MCC: variants seen among roughly 807,000 people sequenced by gnomAD.
MCC encodes colorectal mutant cancer protein.
In MCC, 90 loss-of-function variants were observed where a neutral mutation model predicts 116.2. The ratio of observed to expected loss-of-function variants is 0.77; its 90% CI spans 0.65 to 0.92. The LOEUF (loss-of-function observed/expected upper bound fraction) is 0.92, where lower values mean the gene tolerates loss of function less well. Among genes scored for constraint, MCC ranks in the 40% least tolerant of loss-of-function variants. The pLI is 0.00. For missense variants in MCC, 1,516 were observed against 1,312.2 expected (o/e 1.16, Z -2.40); for synonymous variants, 578 against 510.5 (o/e 1.13, Z -1.78).
intron 3 of MCC, among the ~76,000 whole-genome samples, chr5:113,331,496 T>C (rs1767695150): frequency 1.3e-5 from 2 of 151,798 alleles, no homozygotes; most frequent in South Asian, 2.1e-4. Context: ...CTTAGGTGGA[T>C]ATTTTGATCT....
intron 1 of MCC, among the ~76,000 whole-genome samples, chr5:113,424,576 G>A (rs1044088774): frequency 6.6e-6 from 1 of 152,052 alleles, no homozygotes; most frequent in Admixed American, 6.6e-5. Flanking sequence ...TTAGCTGGGT[G>A]TGGTGGCAGG....
rs1307653990 is a variant in MCC at position 113,024,704 on chromosome 5, C to T, written c.*2598G>A. On this transcript the variant is annotated 3_prime_UTR_variant, in exon 19 of 19. Transcript: ENST00000408903. ...AAAATTCAGGTAGCGCCAGGTTATTCACAAAGGAAAATTACCCAGGAACCT... is the reference window on the plus strand; with the variant it reads ...AAAATTCAGGTAGCGCCAGGTTATTTACAAAGGAAAATTACCCAGGAACCT... 1.3e-5 allele frequency: 2 copies of T among 151,948 alleles called. No individual in the cohort carries two copies. Among genetic ancestry groups the T allele is most frequent in the Non-Finnish European group, 2.9e-5 (2 of 68,026 alleles). 9.4% of individuals were successfully genotyped at this position (151,948 alleles called of 1,614,324 possible).
At chr5:113,046,641 C>G (rs916725361) in intron 16 of MCC, among the ~76,000 whole-genome samples, 32 of 140,058 alleles carry the variant, frequency 2.3e-4, no homozygotes, top group African/African-American at 8.7e-4. Flanking sequence ...CACACACAAA[C>G]ACTAGCGCTC....
chr5:113,131,752 T>C (rs1758441155), intron 5 of MCC, among the ~76,000 whole-genome samples: 1 of 152,094 alleles, frequency 6.6e-6, no homozygotes, highest in African/African-American at 2.4e-5. Context: ...TCCAAACCCA[T>C]GTGAGTGCAT....
At chr5:113,453,638 T>C (rs1174183190) in intron 1 of MCC, among the ~76,000 whole-genome samples, 3 of 152,114 alleles carry the variant, frequency 2.0e-5, no homozygotes, top group Non-Finnish European at 2.9e-5. Flanking sequence ...CTCCCAGCTG[T>C]TTATGTGTCT....
At chr5:113,162,650 C>T (rs182241888) in intron 3 of MCC, among the ~76,000 whole-genome samples, 13 of 152,204 alleles carry the variant, frequency 8.5e-5, no homozygotes, top group Non-Finnish European at 1.9e-4. Context: ...TCAGGCACCA[C>T]CACGTCCAAC....
At chr5:113,133,607 A>C (rs1422554130) in intron 5 of MCC, among the ~76,000 whole-genome samples, 1 of 152,082 alleles carries the variant, frequency 6.6e-6, no homozygotes. Context: ...GTATCTCTTC[A>C]ATATATTGAT....
chr5:113,180,352 A>C (rs1761558677), intron 3 of MCC, among the ~76,000 whole-genome samples: 1 of 152,202 alleles, frequency 6.6e-6, no homozygotes, highest in Admixed American at 6.5e-5. Context: ...ATGAAGAAAA[A>C]CAAATATGGC....
At chr5:113,237,307 C>A (rs922335640) in intron 3 of MCC, among the ~76,000 whole-genome samples, 4 of 152,124 alleles carry the variant, frequency 2.6e-5, no homozygotes, top group African/African-American at 9.7e-5. Flanking sequence ...GGCCATTATG[C>A]TTAAAGCTAA....
intron 14 of MCC, among the ~76,000 whole-genome samples, chr5:113,055,273 G>A (rs562672952): frequency 1.6e-4 from 24 of 152,170 alleles, no homozygotes; most frequent in Admixed American, 1.1e-3. Flanking sequence ...CAGGGGCCAC[G>A]AGTGATCTCC....
chr5:113,189,728 G>A (rs142393963), intron 3 of MCC, among the ~76,000 whole-genome samples: 73 of 152,352 alleles, frequency 4.8e-4, no homozygotes, highest in African/African-American at 1.7e-3. Context: ...TGGAATCACT[G>A]TTTAACCTTT....
At chr5:113,482,208 G>A (rs1772397795) in intron 1 of MCC, among the ~76,000 whole-genome samples, 1 of 152,146 alleles carries the variant, frequency 6.6e-6, no homozygotes, top group Non-Finnish European at 1.5e-5. Flanking sequence ...TATAAACAAT[G>A]TTGTTATGAA....
At chr5:113,469,768 T>A (rs1424300884) in intron 1 of MCC, among the ~76,000 whole-genome samples, 1 of 152,218 alleles carries the variant, frequency 6.6e-6, no homozygotes, top group Non-Finnish European at 1.5e-5. Flanking sequence ...ATCTGTCTAA[T>A]GTTGACAGTG....
intron 3 of MCC, among the ~76,000 whole-genome samples, chr5:113,262,251 G>C (rs1765245301): frequency 6.6e-6 from 1 of 152,052 alleles, no homozygotes; most frequent in Admixed American, 6.5e-5. Flanking sequence ...CAAAAGTAAT[G>C]TCAATCCCAT....
In MCC at chr5:113,085,196, T is replaced by C; in HGVS notation, c.1513A>G (p.Ser505Gly). 1 of 1,614,210 alleles carries C rather than the reference T, an allele frequency of 6.2e-7. No homozygotes were observed. Among genetic ancestry groups the C allele is most frequent in the Non-Finnish European group, 8.5e-7 (1 of 1,180,042 alleles). The change falls in exon 9 of 19, where the codon AGC (serine) becomes GGC (glycine). Residue 505 changes from serine to glycine, a missense_variant. Ser to Gly is a moderately conservative substitution (Grantham distance 56). Transcript: ENST00000408903. ...INPSTGELST[S>G]SSSNDIPIAK... is the part of the protein sequence containing the mutation. The stretch of plus-strand genomic sequence containing the variant: ...ATGGGAATGTCATTGCTGCTGCTGC[T>C]TGTGCTCAGCTCCCCAGTGCTGGGG...
chr5:113,222,166 T>C (rs552354074), intron 3 of MCC, among the ~76,000 whole-genome samples: 73 of 152,230 alleles, frequency 4.8e-4, no homozygotes, highest in Admixed American at 1.0e-3. Context: ...TCTTTTTCTA[T>C]ATTTATTAAG....
chr5:113,258,124 A>C (rs1446037584), intron 3 of MCC, among the ~76,000 whole-genome samples: 2 of 152,208 alleles, frequency 1.3e-5, no homozygotes, highest in Non-Finnish European at 2.9e-5. Flanking sequence ...TTTTTCAGTG[A>C]GCACATTGCA....
chr5:113,084,942 T>C (rs561873175), intron 9 of MCC, among the ~76,000 whole-genome samples: 34 of 152,334 alleles, frequency 2.2e-4, no homozygotes, highest in African/African-American at 7.0e-4. Context: ...AGCTGGCTGA[T>C]TAATGAGAGC....
Position 113,047,967 on chromosome 5 carries a change from T to C in MCC, c.2655+1126A>G, listed in dbSNP as rs553403946. ...TCCTCCTCCTCTGCCGGCAGGCTGA[T>C]TCCTGCTTACCACCCTGTGACGGTA... On this transcript the variant is annotated intron_variant, in intron 16 of 18. Coordinates refer to ENST00000408903, the MANE Select transcript of MCC (RefSeq NM_001085377.2). Among the ~76,000 whole-genome samples, 44 of 152,302 alleles carry C rather than the reference T, an allele frequency of 2.9e-4. No individual in the cohort carries two copies. In the South Asian group the frequency reaches 9.1e-3, roughly 32 times the overall value.
Sources: gnomAD v4.1 joint callset for allele counts (sites outside exome capture counted in the v4.1 genomes callset) on GRCh38, gnomAD v4.1.1 for gene constraint, MANE v1.5 for transcripts, NCBI Gene and HGNC (gene_info 2026-07-23, HGNC 2026-07-21) for gene names.